The following KANK1 variants were observed in gnomAD, a reference collection of about 807,000 sequenced individuals.
KANK1 encodes the protein KN motif and ankyrin repeat domain-containing protein 1.
In KANK1, 109 loss-of-function variants were observed where a neutral mutation model predicts 106.2. That is an observed-to-expected ratio of 1.03 (90% CI 0.88 to 1.20). The LOEUF (loss-of-function observed/expected upper bound fraction) is 1.20. Ranked by LOEUF, KANK1 falls within the 50% of genes most tolerant of loss-of-function variation. The pLI is 0.00. For missense variants in KANK1, 2,399 were observed against 1,710.7 expected (o/e 1.40, Z -7.10); for synonymous variants, 873 against 652.2 (o/e 1.34, Z -5.16).
intron 1 of KANK1, among the ~76,000 whole-genome samples, chr9:524,775 C>A (rs1234183662): frequency 6.6e-6 from 1 of 151,546 alleles, no homozygotes; most frequent in African/African-American, 2.4e-5. Flanking sequence ...TCTTGGTCTT[C>A]CAAAGTGCTG....
intron 1 of KANK1, among the ~76,000 whole-genome samples, chr9:530,548 C>T (rs568988775): frequency 6.6e-6 from 1 of 152,248 alleles, no homozygotes; most frequent in African/African-American, 2.4e-5. Context: ...TTGTGTTGCT[C>T]TGCCTAGCTC....
intron 1 of KANK1, among the ~76,000 whole-genome samples, chr9:580,254 G>A (rs1030293570): frequency 1.3e-5 from 2 of 151,890 alleles, no homozygotes; most frequent in East Asian, 1.9e-4. Context: ...TCGTGGTCTC[G>A]CTGGCCTCAG....
At chr9:662,120 G>A (rs564858241) in intron 1 of KANK1, among the ~76,000 whole-genome samples, 1 of 152,140 alleles carries the variant, frequency 6.6e-6, no homozygotes, top group South Asian at 2.1e-4. Context: ...AACTTACAAG[G>A]GATGTGAAGG....
chr9:697,458 T>C (rs1317692559), intron 2 of KANK1, among the ~76,000 whole-genome samples: 1 of 152,162 alleles, frequency 6.6e-6, no homozygotes, highest in Non-Finnish European at 1.5e-5. Flanking sequence ...CACATGACTT[T>C]GCAAGGATAG....
chr9:612,491 A>C (rs1014537855), intron 1 of KANK1, among the ~76,000 whole-genome samples: 49 of 152,170 alleles, frequency 3.2e-4, no homozygotes, highest in African/African-American at 1.1e-3. Context: ...TTAGGGTTTC[A>C]GTGTCATCAT....
intron 1 of KANK1, among the ~76,000 whole-genome samples, chr9:561,534 A>G (rs1260962538): frequency 2.0e-5 from 3 of 152,234 alleles, no homozygotes; most frequent in Admixed American, 1.3e-4. Flanking sequence ...TTTCCTTAGG[A>G]CAAATTCTTA....
intron 3 of KANK1, among the ~76,000 whole-genome samples, chr9:497,430 T>TCACACACACACACACA (rs112024846): frequency 1.3e-5 from 2 of 150,720 alleles, no homozygotes; most frequent in Admixed American, 1.3e-4. Flanking sequence ...ATGTGACTCT[T>TCACACACACACACACA]CACACACACA....
chr9:476,501 A>G (rs568040121), intron 3 of KANK1: 21 of 152,290 alleles, frequency 1.4e-4, no homozygotes, highest in African/African-American at 3.6e-4. Context: ...AGCCTGGGCA[A>G]TGGAACAAAA....
chr9:539,542 G>A (rs1214111663), intron 1 of KANK1: 1 of 152,140 alleles, frequency 6.6e-6, no homozygotes, highest in Non-Finnish European at 1.5e-5. Context: ...CTGAGCTAGA[G>A]TGCAGTGGTG....
upstream of KANK1, among the ~76,000 whole-genome samples, chr9:502,129 T>G (rs1030671177): frequency 9.9e-5 from 15 of 152,166 alleles, no homozygotes; most frequent in Non-Finnish European, 1.9e-4. Flanking sequence ...ATATGCAACG[T>G]CCAGAATCAG....
chr9:729,956 C>G (rs533574567), intron 3 of KANK1, 95 bp from the exon 4 acceptor site: 23 of 1,065,862 alleles, frequency 2.2e-5, no homozygotes, highest in Non-Finnish European at 3.0e-5. Flanking sequence ...GATAATAGTC[C>G]CATTTTAAAT....
chr9:679,738 T>C (rs1385869673), intron 2 of KANK1, among the ~76,000 whole-genome samples: 4 of 152,222 alleles, frequency 2.6e-5, no homozygotes, highest in African/African-American at 9.6e-5. Context: ...TGTGTTGTAT[T>C]GTCTGAAAAC....
intron 1 of KANK1, among the ~76,000 whole-genome samples, chr9:591,143 A>G (rs1563821281): frequency 6.6e-6 from 1 of 151,670 alleles, no homozygotes; most frequent in Non-Finnish European, 1.5e-5. Flanking sequence ...TTTGTTACTG[A>G]CTTGCAGCAA....
At chr9:554,333 C>T (rs1442743105) in intron 1 of KANK1, among the ~76,000 whole-genome samples, 4 of 152,166 alleles carry the variant, frequency 2.6e-5, no homozygotes, top group African/African-American at 9.7e-5. Flanking sequence ...GATAGAAGTT[C>T]CAGCTCAAGC....
At chr9:674,597 T>A (rs567813570) in intron 1 of KANK1, among the ~76,000 whole-genome samples, 2 of 152,308 alleles carry the variant, frequency 1.3e-5, no homozygotes, top group East Asian at 3.9e-4. Flanking sequence ...TGACCCCTTA[T>A]AATCTTCATG....
chr9:581,948 T>TA (rs542717651), intron 1 of KANK1, among the ~76,000 whole-genome samples: 2 of 152,292 alleles, frequency 1.3e-5, no homozygotes, highest in South Asian at 4.2e-4. Context: ...AGATCTCCCT[T>TA]AAGTGTGAGA....
At chr9:726,413 T>C (rs917538157) in intron 3 of KANK1, among the ~76,000 whole-genome samples, 21 of 151,358 alleles carry the variant, frequency 1.4e-4, no homozygotes, top group African/African-American at 4.9e-4. Flanking sequence ...CTGAGGCGGG[T>C]GGATCACCTG....
At chr9:700,905 T>G (rs1469969948) in intron 2 of KANK1, among the ~76,000 whole-genome samples, 2 of 152,128 alleles carry the variant, frequency 1.3e-5, no homozygotes, top group African/African-American at 4.8e-5. Context: ...AATTAATAGA[T>G]AAAGTAATAA....
At chr9:732,253 A>T in intron 5 of KANK1, 125 bp from the exon 6 acceptor site, 1 of 1,157,796 alleles carries the variant, frequency 8.6e-7, no homozygotes, top group Non-Finnish European at 1.2e-6. Context: ...TGAACTTCTA[A>T]GTGCAGGATC....
Sources: allele counts gnomAD v4.1 joint callset (sites outside exome capture counted in the v4.1 genomes callset), GRCh38; gene constraint gnomAD v4.1.1; transcripts MANE v1.5; gene names NCBI Gene and HGNC (gene_info 2026-07-23, HGNC 2026-07-21).